The following TNK2 variants were observed in gnomAD, a reference collection of about 807,000 sequenced individuals.
The protein encoded by TNK2 is activated CDC42 kinase 1.
Under a neutral mutation model 101.8 loss-of-function variants are expected in TNK2, and 83 were observed. The observed-to-expected ratio is 0.82, with a 90% CI of 0.68 to 0.98. The LOEUF (loss-of-function observed/expected upper bound fraction) is 0.98, where lower values mean the gene tolerates loss of function less well. Ranked by LOEUF, TNK2 falls within the 50% of genes least tolerant of loss-of-function variation. TNK2 has a pLI of 0.00. For missense variants in TNK2, 1,665 were observed against 1,483.2 expected, an observed-to-expected ratio of 1.12 and a Z score of -2.01; for synonymous variants, 804 against 633.0, an observed-to-expected ratio of 1.27 and a Z score of -4.06.
intron 1 of TNK2, among the ~76,000 whole-genome samples, chr3:195,905,403 G>A (rs955562240): frequency 1.3e-5 from 2 of 151,924 alleles, no homozygotes; most frequent in Non-Finnish European, 1.5e-5. Context: ...GTTCCACTAC[G>A]TTCACCAGCT....
intron 1 of TNK2, among the ~76,000 whole-genome samples, chr3:195,904,203 A>C (rs1425073574): frequency 6.6e-6 from 1 of 151,046 alleles, no homozygotes; most frequent in Non-Finnish European, 1.5e-5. Flanking sequence ...GGTTGCAGTG[A>C]GCCATGATCA....
chr3:195,869,260 G>A lies in TNK2; in HGVS notation c.1588+237C>T, dbSNP rs564587669. 1.3e-4 allele frequency: 79 copies of A among 603,998 alleles called. No individual in the cohort carries two copies. In the Admixed American group the frequency reaches 2.2e-3, roughly 16 times the overall value. 37.4% of individuals were successfully genotyped at this position (603,998 alleles called of 1,614,324 possible). On this transcript the variant is annotated intron_variant, in intron 12 of 15. Transcript: ENST00000672887. ...TGCTCCAGAAGCTCAGACAGGTCTGGGAGGGAGTGAGGCCGAGGCGGAAGC... is the reference window on the plus strand; with the variant it reads ...TGCTCCAGAAGCTCAGACAGGTCTGAGAGGGAGTGAGGCCGAGGCGGAAGC...
At chr3:195,904,591 A>T (rs10881558) in intron 1 of TNK2, among the ~76,000 whole-genome samples, 21,577 of 152,142 alleles carry the variant, frequency 0.14, 2,132 homozygotes, top group East Asian at 0.39. Flanking sequence ...AGATGAGAAA[A>T]GTCCTGGAGA....
intron 6 of TNK2, among the ~76,000 whole-genome samples, chr3:195,881,847 CA>C (rs1181430560): frequency 4.6e-5 from 7 of 152,158 alleles, no homozygotes; most frequent in African/African-American, 1.7e-4. Flanking sequence ...CTGTGATTTC[CA>C]GCACCCAGAC....
intron 11 of TNK2, 115 bp from the exon 12 acceptor site, chr3:195,869,656 T>TG: frequency 3.9e-6 from 4 of 1,033,056 alleles, no homozygotes; most frequent in Non-Finnish European, 5.9e-6. Flanking sequence ...GAGAAGTGAA[T>TG]GGGGGCGAGT....
At chr3:195,869,636 G>C (rs886695180) in intron 11 of TNK2, 95 bp from the exon 12 acceptor site, 107 of 1,268,288 alleles carry the variant, frequency 8.4e-5, no homozygotes, top group Non-Finnish European at 1.1e-4. Context: ...AGTGTAGAGA[G>C]ACGAAGGGAG....
intron 6 of TNK2, chr3:195,879,417 G>T (rs1377584376): frequency 6.6e-6 from 3 of 451,608 alleles, no homozygotes; most frequent in Non-Finnish European, 1.2e-5. Context: ...AAGAGGAAAG[G>T]AAGTTTCCCA....
intron 12 of TNK2, chr3:195,869,128 A>G (rs1743003675): frequency 4.0e-6 from 2 of 499,868 alleles, no homozygotes; most frequent in Non-Finnish European, 7.2e-6. Context: ...GGCTATAAGG[A>G]CTATCCTTGG....
Position 195,885,107 on chromosome 3 carries a change from T to TC in TNK2, c.235-75dup, listed in dbSNP as rs1755032820. 2 of 1,418,594 alleles carry TC rather than the reference T, an allele frequency of 1.4e-6. No homozygotes were observed. The highest frequency in any genetic ancestry group is 2.9e-5 in the African/African-American group (2 of 69,512). 87.9% of individuals were successfully genotyped at this position (1,418,594 alleles called of 1,614,324 possible). On this transcript the variant is annotated intron_variant, in intron 3 of 15. Transcript: ENST00000672887. This position sits in a 1 kb window ranked among gnomAD's most constrained non-coding sequence, Gnocchi z 4.7. ...AGTCACTCAGTCCCACCCCGCTGGG[T>TC]CCACCTGGTGATCCCCGGCTTCGGC...
chr3:195,891,666 T>A (rs1160433419), intron 1 of TNK2, among the ~76,000 whole-genome samples: 1 of 147,514 alleles, frequency 6.8e-6, no homozygotes, highest in South Asian at 2.1e-4. Flanking sequence ...ACCCCCCCCC[T>A]CCAGGGCTCA....
At chr3:195,900,429 C>T (rs1029455314) in intron 1 of TNK2, among the ~76,000 whole-genome samples, 10 of 152,204 alleles carry the variant, frequency 6.6e-5, no homozygotes, top group African/African-American at 2.2e-4. Context: ...CACACTGAAC[C>T]TGAGGCTGAC....
At position 195,884,993 on chromosome 3, in the gene TNK2, T is replaced by A. The variant is rs1669516157; in HGVS notation, c.275A>T (p.His92Leu). The A allele has an allele frequency of 6.2e-7, 1 of 1,612,284 alleles. No homozygotes were observed. The highest frequency in any genetic ancestry group is 8.5e-7 in the Non-Finnish European group (1 of 1,178,988). ...CTTCCGGAAGGTGCTCTGAGAGTGA[T>A]GAGGTGGGAACTCAGCCTCCAGTCG... is the stretch of plus-strand genomic sequence containing the variant. ...GKRLEAEFPP[H>L]HSQSTFRKTS... The change falls in exon 4 of 16, where the codon CAT (histidine) becomes CTT (leucine). Residue 92 changes from histidine (H) to leucine (L), a missense_variant. Transcript: ENST00000672887.
rs1753435937 is a variant in TNK2 at position 195,882,159 on chromosome 3, A to G, written c.779T>C (p.Leu260Ser). The change falls in exon 6 of 16, where the codon TTG becomes TCG. Residue 260 changes from leucine (L) to serine (S), a missense_variant. Physicochemically the swap from Leu to Ser is moderately radical, Grantham distance 145. Coordinates refer to ENST00000672887, the MANE Select transcript of TNK2 (RefSeq NM_001382273.1). This position sits in a 1 kb window ranked among gnomAD's most constrained non-coding sequence, Gnocchi z 4.2. ...HRDLAARNLL[L>S]ATRDLVKIGD... ...GATCTTGACCAGGTCGCGGGTAGCC[A>G]ACAGCAGATTGCGGGCAGCCAGGTC... 1 of 1,613,810 alleles carries G rather than the reference A, an allele frequency of 6.2e-7. No homozygotes were observed. The highest frequency in any genetic ancestry group is 8.5e-7 in the Non-Finnish European group (1 of 1,180,036).
chr3:195,877,661 C>A (rs1334709550), intron 9 of TNK2, among the ~76,000 whole-genome samples: 2 of 152,164 alleles, frequency 1.3e-5, no homozygotes, highest in African/African-American at 2.4e-5. Context: ...GGCCTCAGGG[C>A]AGGCGCTAGA....
Position 195,864,068 on chromosome 3 carries a change from G to A in TNK2, c.*113C>T, listed in dbSNP as rs561285665. 3.4e-4 allele frequency: 495 copies of A among 1,452,976 alleles called. 7 individuals carry two copies. In the South Asian group the frequency reaches 5.5e-3, roughly 16 times the overall value. The allele number at this position is 1,452,976 out of a possible 1,614,324, so 90.0% of individuals were successfully genotyped here. A position where few individuals can be genotyped will look rare whatever the true frequency, so the allele number is the denominator to read the frequency against. On this transcript the variant is annotated 3_prime_UTR_variant, in exon 16 of 16. Transcript: ENST00000672887. ...CCTTGGCCTTGCTCCATCCCCGGGA[G>A]CAGCAGGAGCAGCGGGTCCTCCAGG...
Position 195,882,696 on chromosome 3 carries a change from A to T in TNK2, c.610-368T>A, listed in dbSNP as rs892856347. Among the ~76,000 whole-genome samples, 1 of 152,110 alleles carries T rather than the reference A, an allele frequency of 6.6e-6. No individual in the cohort carries two copies. On this transcript the variant is annotated intron_variant, in intron 5 of 15. Transcript: ENST00000672887. This position sits in a 1 kb window ranked among gnomAD's most constrained non-coding sequence, Gnocchi z 4.2. ...AACATGGTGAAACCCCGTCTCTACT[A>T]AAAATACAAAAATTAGCCAGGCATG...
intron 9 of TNK2, among the ~76,000 whole-genome samples, chr3:195,873,915 GCCACCCTGTGATTC>G (rs1168774795): frequency 4.6e-5 from 7 of 152,154 alleles, no homozygotes; most frequent in Non-Finnish European, 7.4e-5. Context: ...ACCACACACA[GCCACCCTGTGATTC>G]CCACCCTGCC....
At chr3:195,864,216 T>C (rs1560459514) in intron 15 of TNK2, 29 bp from the exon 16 acceptor site, 4 of 1,613,776 alleles carry the variant, frequency 2.5e-6, no homozygotes, top group Admixed American at 1.7e-5. Context: ...CCAGCACAGT[T>C]AAACAGTTTA....
chr3:195,869,488 C>G lies in TNK2; in HGVS notation c.1588+9G>C. Reference sequence around the variant, plus strand: ...CGGGGGCCAAGGCATCGGAAGCAGCCCCACTTACTCTGAGTGAAGAAGGCA... The same window carrying G: ...CGGGGGCCAAGGCATCGGAAGCAGCGCCACTTACTCTGAGTGAAGAAGGCA... On this transcript the variant is annotated intron_variant, in intron 12 of 15. Transcript: ENST00000672887. 6.4e-7 allele frequency: 1 copy of G among 1,550,494 alleles called. No homozygotes were observed.
Sources: allele counts gnomAD v4.1 joint callset (sites outside exome capture counted in the v4.1 genomes callset), GRCh38; gene constraint gnomAD v4.1.1; non-coding constraint Gnocchi (gnomAD v3.1); transcripts MANE v1.5; gene names NCBI Gene and HGNC (gene_info 2026-07-23, HGNC 2026-07-21).